GRIP1: variants seen among roughly 807,000 people sequenced by gnomAD.
GRIP1 encodes the protein glutamate receptor-interacting protein 1.
Under a neutral mutation model 129.9 loss-of-function variants are expected in GRIP1, and 45 were observed. That is an observed-to-expected ratio of 0.35 (90% CI 0.27 to 0.44). The LOEUF (loss-of-function observed/expected upper bound fraction) is 0.44, where lower values mean the gene tolerates loss of function less well. Among genes scored for constraint, GRIP1 ranks in the 20% least tolerant of loss-of-function variants. The pLI, the probability that GRIP1 is intolerant of heterozygous loss-of-function variation, is 1.00. For synonymous variants in GRIP1, 530 were observed against 520.8 expected, an observed-to-expected ratio of 1.02 and a Z score of -0.24; for missense variants, 1,196 against 1,396.8, an observed-to-expected ratio of 0.86 and a Z score of 2.29.
At chr12:66,903,208 C>T (rs2040871511) in intron 1 of GRIP1, among the ~76,000 whole-genome samples, 1 of 151,834 alleles carries the variant, frequency 6.6e-6, no homozygotes, top group East Asian at 1.9e-4. Flanking sequence ...AGCACTACAC[C>T]GCAATCCATA....
intron 1 of GRIP1, among the ~76,000 whole-genome samples, chr12:66,855,038 T>C (rs1337935468): frequency 6.6e-6 from 1 of 151,776 alleles, no homozygotes; most frequent in East Asian, 1.9e-4. Flanking sequence ...CTGCTTATTA[T>C]TTATTTATTT....
chr12:66,373,114 G>A (rs990628217), intron 22 of GRIP1, among the ~76,000 whole-genome samples: 2 of 152,020 alleles, frequency 1.3e-5, no homozygotes, highest in Admixed American at 1.3e-4. Context: ...TTTTGAGATA[G>A]ACTCTCACTC....
intron 23 of GRIP1, among the ~76,000 whole-genome samples, chr12:66,369,495 A>G (rs972393354): frequency 5.9e-5 from 9 of 152,088 alleles, no homozygotes; most frequent in African/African-American, 2.2e-4. Context: ...GCTATCAATA[A>G]TCTTCTTCCT....
At chr12:66,437,387 G>A (rs1373498997) in intron 13 of GRIP1, among the ~76,000 whole-genome samples, 1 of 152,162 alleles carries the variant, frequency 6.6e-6, no homozygotes, top group Non-Finnish European at 1.5e-5. Context: ...GAATATCGGT[G>A]TCAACTAGTG....
At chr12:66,599,540 T>C (rs1338769232) in intron 1 of GRIP1, among the ~76,000 whole-genome samples, 3 of 152,210 alleles carry the variant, frequency 2.0e-5, no homozygotes, top group Admixed American at 2.0e-4. Flanking sequence ...ACCAGCTCTC[T>C]TGACGTGATT....
At chr12:66,774,265 T>G (rs1196242313) in intron 1 of GRIP1, among the ~76,000 whole-genome samples, 1 of 152,274 alleles carries the variant, frequency 6.6e-6, no homozygotes, top group African/African-American at 2.4e-5. Context: ...CCTCCTAAGG[T>G]CTGAGGGAGG....
intron 1 of GRIP1, among the ~76,000 whole-genome samples, chr12:67,050,416 G>C (rs1200769743): frequency 2.0e-5 from 3 of 152,102 alleles, no homozygotes; most frequent in African/African-American, 7.2e-5. Flanking sequence ...CATTGTTTAA[G>C]GGCAGGCCTA....
chr12:66,353,637 A>G (rs1373855014), intron 23 of GRIP1, 74 bp from the exon 24 acceptor site: 2 of 1,281,100 alleles, frequency 1.6e-6, no homozygotes, highest in Non-Finnish European at 2.3e-6. Flanking sequence ...TTGATGAACA[A>G]TCTTTTCACA....
chr12:66,396,374 C>T (rs1182221950), intron 16 of GRIP1, among the ~76,000 whole-genome samples: 1 of 152,086 alleles, frequency 6.6e-6, no homozygotes, highest in East Asian at 1.9e-4. Flanking sequence ...TGAAAACAAA[C>T]ACTGGACTAT....
At chr12:66,457,132 G>A (rs139512098) in intron 9 of GRIP1, among the ~76,000 whole-genome samples, 1,696 of 151,890 alleles carry the variant, frequency 0.011, 36 homozygotes, top group African/African-American at 0.039. Flanking sequence ...TCTTTATCAT[G>A]TTTCCATTCT....
At chr12:66,586,952 T>C (rs2063661892) in intron 2 of GRIP1, among the ~76,000 whole-genome samples, 1 of 152,148 alleles carries the variant, frequency 6.6e-6, no homozygotes, top group African/African-American at 2.4e-5. Flanking sequence ...CATTAACCCC[T>C]ACAATGGCTT....
At chr12:66,455,101 G>GA (rs918418965) in intron 11 of GRIP1, among the ~76,000 whole-genome samples, 1 of 151,972 alleles carries the variant, frequency 6.6e-6, no homozygotes, top group African/African-American at 2.4e-5. Context: ...AGTCTTAAAG[G>GA]AAAAATCATA....
chr12:66,838,178 GACTCC>G, intron 1 of GRIP1, among the ~76,000 whole-genome samples: 1 of 102,966 alleles, frequency 9.7e-6, no homozygotes, highest in South Asian at 4.2e-4. Flanking sequence ...GACAGAGAAA[GACTCC>G]ACCTAAAAAA....
intron 1 of GRIP1, among the ~76,000 whole-genome samples, chr12:66,843,105 AAG>A (rs756383335): frequency 1.2e-4 from 19 of 152,220 alleles, no homozygotes; most frequent in Non-Finnish European, 2.2e-4. Flanking sequence ...CAATAGCAAA[AAG>A]ACTGAAGATC....
intron 1 of GRIP1, among the ~76,000 whole-genome samples, chr12:66,834,795 T>A (rs774466914): frequency 1.3e-5 from 2 of 151,862 alleles, no homozygotes; most frequent in African/African-American, 2.4e-5. Flanking sequence ...AAAGAAAGAA[T>A]TGCCTATAGA....
intron 1 of GRIP1, among the ~76,000 whole-genome samples, chr12:66,688,932 C>G (rs2034880374): frequency 6.6e-6 from 1 of 152,194 alleles, no homozygotes; most frequent in Non-Finnish European, 1.5e-5. Context: ...CACTGGGTCT[C>G]TTCCTCTCAT....
chr12:66,534,277 A>G (rs1312873623), intron 4 of GRIP1, among the ~76,000 whole-genome samples: 3 of 152,166 alleles, frequency 2.0e-5, no homozygotes, highest in Non-Finnish European at 2.9e-5. Context: ...GGTACTGCAT[A>G]ATGACCAAGT....
chr12:67,011,759 A>G (rs1166046494), intron 1 of GRIP1, among the ~76,000 whole-genome samples: 5 of 152,120 alleles, frequency 3.3e-5, no homozygotes, highest in Non-Finnish European at 7.4e-5. Flanking sequence ...TTATTCACAT[A>G]TTTGAGAATT....
intron 1 of GRIP1, among the ~76,000 whole-genome samples, chr12:66,785,343 C>CATACACATATAT (rs377630345): frequency 2.7e-5 from 2 of 72,788 alleles, no homozygotes; most frequent in African/African-American, 1.0e-4. Context: ...TACATACATA[C>CATACACATATAT]ATATATATAT....
Sources: allele counts gnomAD v4.1 joint callset (sites outside exome capture counted in the v4.1 genomes callset), GRCh38; gene constraint gnomAD v4.1.1; transcripts MANE v1.5; gene names NCBI Gene and HGNC (gene_info 2026-07-23, HGNC 2026-07-21).